COL4A3: variants seen among roughly 807,000 people sequenced by gnomAD.
COL4A3 encodes collagen type IV alpha 3 chain.
In COL4A3, 135 loss-of-function variants were observed where a neutral mutation model predicts 217.4. The observed-to-expected ratio is 0.62, with a 90% confidence interval of 0.54 to 0.72. The LOEUF (loss-of-function observed/expected upper bound fraction) is 0.72. Ranked by LOEUF, COL4A3 falls within the 30% of genes least tolerant of loss-of-function variation. COL4A3 has a pLI of 0.00. For missense variants in COL4A3, 1,868 were observed against 2,119.9 expected (o/e 0.88, Z 2.33); for synonymous variants, 690 against 736.3 (o/e 0.94, Z 1.02).
chr2:227,311,237 A>T lies in COL4A3; in HGVS notation c.4928+289A>T, dbSNP rs150614556. ...AGTAGTTTTTATTACCAAAAAGATG[A>T]TCTATAAGTTTTCATCAAGGCCTAT... is the stretch of plus-strand genomic sequence containing the variant. On this transcript the variant is annotated intron_variant, in intron 51 of 51. Coordinates refer to ENST00000396578, the MANE Select transcript of COL4A3 (RefSeq NM_000091.5). 1.1e-4 allele frequency among the ~76,000 whole-genome samples: 16 copies of T among 152,326 alleles called. 1 individual carries two copies. The East Asian group carries it at 2.9e-3, about 28-fold the overall frequency.
chr2:227,214,481 A>G, intron 1 of COL4A3, among the ~76,000 whole-genome samples: 1 of 152,198 alleles, frequency 6.6e-6, no homozygotes, highest in East Asian at 1.9e-4. Flanking sequence ...ATGAAGTTGC[A>G]TTTTCATAAC....
At chr2:227,249,230 A>ATATATATATATTTTTTTTTTT in intron 9 of COL4A3, among the ~76,000 whole-genome samples, 7 of 14,690 alleles carry the variant, frequency 4.8e-4, no homozygotes, top group Non-Finnish European at 7.5e-4. Flanking sequence ...ATATATATAT[A>ATATATATATATTTTTTTTTTT]TTTTTTTTTT....
intron 11 of COL4A3, among the ~76,000 whole-genome samples, chr2:227,252,217 T>C (rs1217927084): frequency 7.4e-5 from 10 of 135,868 alleles, no homozygotes; most frequent in African/African-American, 1.1e-4. Context: ...TCTTTCTTTT[T>C]TTTTTTTTTT....
At chr2:227,235,772 CTTTT>C (rs201024233) in intron 1 of COL4A3, among the ~76,000 whole-genome samples, 1,273 of 122,406 alleles carry the variant, frequency 0.01, 16 homozygotes, top group African/African-American at 0.033. Context: ...TATTTCATTC[CTTTT>C]TTTTTTTTTT....
At chr2:227,268,634 T>C (rs1412898683) in intron 23 of COL4A3, 1 of 152,162 alleles carries the variant, frequency 6.6e-6, no homozygotes, top group Admixed American at 6.5e-5. Flanking sequence ...TCACTTCTCC[T>C]TTATGAAGGC....
chr2:227,188,931 T>G (rs1343514285), intron 1 of COL4A3, among the ~76,000 whole-genome samples: 1 of 152,102 alleles, frequency 6.6e-6, no homozygotes, highest in Non-Finnish European at 1.5e-5. Context: ...AGGGATGCAA[T>G]GACAGAGAAT....
chr2:227,297,565 C>T (rs1471276885), intron 41 of COL4A3, 109 bp from the exon 42 acceptor site: 2 of 955,612 alleles, frequency 2.1e-6, no homozygotes, highest in Non-Finnish European at 3.2e-6. Flanking sequence ...AACATATATT[C>T]TGAATCTGAA....
At chr2:227,257,757 T>A in intron 18 of COL4A3, 113 bp downstream of exon 18, 1 of 983,010 alleles carries the variant, frequency 1.0e-6, no homozygotes, top group Non-Finnish European at 1.6e-6. Context: ...TTATAACATT[T>A]ACCTTGTTGT....
chr2:227,212,776 C>T, intron 1 of COL4A3, among the ~76,000 whole-genome samples: 1 of 152,172 alleles, frequency 6.6e-6, no homozygotes. Context: ...TTGGACATCC[C>T]CAGTGCACGT....
intron 18 of COL4A3, among the ~76,000 whole-genome samples, chr2:227,257,926 T>C (rs1240442339): frequency 6.6e-6 from 1 of 152,178 alleles, no homozygotes; most frequent in Non-Finnish European, 1.5e-5. Flanking sequence ...ATCCTGCCCC[T>C]TCAGGGTAGA....
chr2:227,207,802 G>A (rs752106224), intron 1 of COL4A3, among the ~76,000 whole-genome samples: 2 of 152,206 alleles, frequency 1.3e-5, no homozygotes, highest in Non-Finnish European at 2.9e-5. Context: ...GTCCCCTGGT[G>A]GGGGAGAGTT....
chr2:227,297,932 C>G, intron 42 of COL4A3, 73 bp downstream of exon 42: 1 of 1,450,032 alleles, frequency 6.9e-7, no homozygotes, highest in African/African-American at 1.4e-5. Flanking sequence ...CAACCTCCTC[C>G]TCATGTTACC....
chr2:227,221,840 T>A (rs1410229104), intron 1 of COL4A3, among the ~76,000 whole-genome samples: 1 of 152,094 alleles, frequency 6.6e-6, no homozygotes, highest in Non-Finnish European at 1.5e-5. Context: ...ATGATACCAC[T>A]TCTAGATTTG....
At chr2:227,222,160 AATAATGATAATGAT>A (rs1559839894) in intron 1 of COL4A3, among the ~76,000 whole-genome samples, 11 of 85,038 alleles carry the variant, frequency 1.3e-4, no homozygotes, top group Admixed American at 6.5e-4. Context: ...TAATAATAAT[AATAATGATAATGAT>A]AATAAAAAGC....
At chr2:227,185,180 G>A (rs561925823) in intron 1 of COL4A3, among the ~76,000 whole-genome samples, 68 of 152,222 alleles carry the variant, frequency 4.5e-4, no homozygotes, top group Middle Eastern at 3.4e-3. Flanking sequence ...GATTACAAGC[G>A]TGAGCCACAG....
chr2:227,237,978 G>A lies in COL4A3; in HGVS notation c.98G>A (p.Cys33Tyr). 6.2e-7 allele frequency: 1 copy of A among 1,609,906 alleles called. No homozygotes were observed. The highest frequency in any genetic ancestry group is 8.5e-7 in the Non-Finnish European group (1 of 1,176,398). Residue 33 changes from cysteine (C) to tyrosine (Y), a missense_variant, in exon 2 of 52, where the codon TGT (cysteine) becomes TAT (tyrosine). This residue lies in a region of COL4A3 where 365 missense variants were observed against 333.8 expected (regional missense o/e 1.09). Transcript: ENST00000396578. ...AAPAASKGCV[C>Y]KDKGQCFCDG... ...TTTCCCTCTTCCTAGGGTTGTGTCT[G>A]TAAAGACAAAGGCCAGTGCTTCTGT...
chr2:227,279,677 TATC>T (rs2071821268), intron 28 of COL4A3, 113 bp from the exon 29 acceptor site: 1 of 710,854 alleles, frequency 1.4e-6, no homozygotes, highest in African/African-American at 1.8e-5. Flanking sequence ...TTGGTTTTAT[TATC>T]ATTTAAATTT....
intron 1 of COL4A3, among the ~76,000 whole-genome samples, chr2:227,235,342 G>A (rs1281392205): frequency 6.6e-6 from 1 of 152,156 alleles, no homozygotes. Context: ...ATGACTTCAT[G>A]ATCCCAAATA....
chr2:227,226,411 GAC>G (rs2068093379), intron 1 of COL4A3, among the ~76,000 whole-genome samples: 2 of 151,894 alleles, frequency 1.3e-5, no homozygotes, highest in Admixed American at 1.3e-4. Context: ...CAAGGTAGAA[GAC>G]CATCTCTCAC....
Sources: gnomAD v4.1 joint callset for allele counts (sites outside exome capture counted in the v4.1 genomes callset) on GRCh38, gnomAD v4.1.1 for gene constraint, gnomAD v4.1.1 regional missense constraint, MANE v1.5 for transcripts, NCBI Gene and HGNC (gene_info 2026-07-23, HGNC 2026-07-21) for gene names.